Variants in SEMA3C observed in about 807,000 individuals in gnomAD.
SEMA3C encodes semaphorin 3C.
Under a neutral mutation model 89.4 loss-of-function variants are expected in SEMA3C, and 47 were observed. The ratio of observed to expected loss-of-function variants is 0.53; its 90% CI spans 0.42 to 0.67. The LOEUF (loss-of-function observed/expected upper bound fraction) is 0.67, where lower values mean the gene tolerates loss of function less well. Among genes scored for constraint, SEMA3C ranks in the 30% least tolerant of loss-of-function variants. The pLI is 0.00. For synonymous variants in SEMA3C, 310 were observed against 320.2 expected (o/e 0.97, Z 0.34); for missense variants, 839 against 929.1 (o/e 0.90, Z 1.26).
At position 80,810,707 on chromosome 7, in the gene SEMA3C, T is replaced by C. The variant is rs1206101917; in HGVS notation, c.448-6A>G. 3 of 1,609,746 alleles carry C rather than the reference T, an allele frequency of 1.9e-6. No homozygotes were observed. The highest frequency in any genetic ancestry group is 1.7e-6 in the Non-Finnish European group (2 of 1,176,668). On this transcript the variant is annotated splice_polypyrimidine_tract_variant and splice_region_variant and intron_variant, in intron 5 of 17. Coordinates refer to ENST00000265361, the MANE Select transcript of SEMA3C (RefSeq NM_006379.5). ...TCAATCATGAAAACTTGGTCCTTTA[T>C]TGTAGATAAAATTTAAAATGTGGCA...
intron 2 of SEMA3C, among the ~76,000 whole-genome samples, chr7:80,879,697 C>T (rs1344852791): frequency 6.6e-6 from 1 of 152,044 alleles, no homozygotes; most frequent in Non-Finnish European, 1.5e-5. Context: ...ATATCATATT[C>T]AATATCTTAT....
At chr7:80,882,296 T>TAACACACC (rs1443301678) in intron 2 of SEMA3C, among the ~76,000 whole-genome samples, 1 of 151,930 alleles carries the variant, frequency 6.6e-6, no homozygotes, top group Non-Finnish European at 1.5e-5. Context: ...GCCTGAAATG[T>TAACACACC]AACACACCTT....
intron 6 of SEMA3C, among the ~76,000 whole-genome samples, chr7:80,810,031 C>A (rs1344544945): frequency 6.6e-6 from 1 of 151,988 alleles, no homozygotes; most frequent in Non-Finnish European, 1.5e-5. Context: ...GCACAGTGAC[C>A]ATGGTGACAG....
At chr7:80,916,079 C>T (rs1792266099) in intron 2 of SEMA3C, among the ~76,000 whole-genome samples, 1 of 152,170 alleles carries the variant, frequency 6.6e-6, no homozygotes, top group Non-Finnish European at 1.5e-5. Flanking sequence ...TCTGAAATCA[C>T]ACCCATTTCC....
chr7:80,879,205 T>C (rs1159882024), intron 2 of SEMA3C, among the ~76,000 whole-genome samples: 1 of 151,382 alleles, frequency 6.6e-6, no homozygotes. Context: ...GGAAGGATTA[T>C]TAAAAAAAAA....
intron 2 of SEMA3C, among the ~76,000 whole-genome samples, chr7:80,861,628 G>T (rs1035123256): frequency 2.6e-5 from 4 of 152,140 alleles, no homozygotes; most frequent in African/African-American, 7.2e-5. Flanking sequence ...GATCTCAAAG[G>T]TTATAGAATG....
chr7:80,755,621 G>C (rs1361758559), intron 15 of SEMA3C, among the ~76,000 whole-genome samples: 1 of 151,638 alleles, frequency 6.6e-6, no homozygotes, highest in African/African-American at 2.4e-5. Flanking sequence ...TACTATATCT[G>C]CTTAATAGAT....
chr7:80,819,496 T>C (rs1789693913), intron 4 of SEMA3C, among the ~76,000 whole-genome samples: 1 of 152,216 alleles, frequency 6.6e-6, no homozygotes, highest in Non-Finnish European at 1.5e-5. Context: ...AGTTCCATAT[T>C]ACCATTAGTG....
chr7:80,773,152 T>A (rs1439256596), intron 12 of SEMA3C, among the ~76,000 whole-genome samples: 1 of 152,146 alleles, frequency 6.6e-6, no homozygotes, highest in Non-Finnish European at 1.5e-5. Context: ...TGTTACAATT[T>A]TTTTTCTATT....
At chr7:80,862,250 T>G (rs1435727639) in intron 2 of SEMA3C, among the ~76,000 whole-genome samples, 1 of 152,090 alleles carries the variant, frequency 6.6e-6, no homozygotes, top group Non-Finnish European at 1.5e-5. Context: ...AGTTTCCAGA[T>G]ACAAGACTAA....
At chr7:80,754,323 A>G (rs188564401) in intron 15 of SEMA3C, among the ~76,000 whole-genome samples, 1 of 152,280 alleles carries the variant, frequency 6.6e-6, no homozygotes, top group East Asian at 1.9e-4. Context: ...GATTCCACCA[A>G]TTTCCAAGTA....
At position 80,786,766 on chromosome 7, in the gene SEMA3C, T is replaced by C. The variant is rs114985371; in HGVS notation, c.1354+2540A>G. On this transcript the variant is annotated intron_variant, in intron 12 of 17. Coordinates refer to ENST00000265361, the MANE Select transcript of SEMA3C (RefSeq NM_006379.5). ...TTCAATTTATCTTGACAAATATTTA[T>C]TGAGTTTATCAGGTACTGTGATATG... Among the ~76,000 whole-genome samples the C allele has an allele frequency of 2.0e-3, 304 of 152,342 alleles. 2 individuals are homozygous for C. Among genetic ancestry groups the C allele is most frequent in the African/African-American group, 7.1e-3 (294 of 41,578 alleles).
At chr7:80,895,625 G>T (rs1464140651) in intron 2 of SEMA3C, among the ~76,000 whole-genome samples, 4 of 152,120 alleles carry the variant, frequency 2.6e-5, no homozygotes, top group African/African-American at 9.7e-5. Flanking sequence ...GGAATGATTA[G>T]AATGTTGCAG....
chr7:80,908,659 G>A lies in SEMA3C; in HGVS notation c.103+8020C>T, dbSNP rs75388629. Among the ~76,000 whole-genome samples, 1,007 of 152,150 alleles carry A rather than the reference G, an allele frequency of 6.6e-3. 53 individuals carry two copies. In the East Asian group the frequency reaches 0.13, roughly 19 times the overall value. On this transcript the variant is annotated intron_variant, in intron 2 of 17. Coordinates refer to ENST00000265361, the MANE Select transcript of SEMA3C (RefSeq NM_006379.5). ...TTTACATCCCCGTTATCTGTGCTAG[G>A]GATGGATTACTTCCTTTTTGCGGGT...
chr7:80,882,086 G>C (rs1334686528), intron 2 of SEMA3C, among the ~76,000 whole-genome samples: 1 of 152,076 alleles, frequency 6.6e-6, no homozygotes, highest in African/African-American at 2.4e-5. Context: ...GTCCATCCAC[G>C]AAGTACAAAT....
intron 2 of SEMA3C, among the ~76,000 whole-genome samples, chr7:80,865,591 C>T (rs964038926): frequency 6.6e-6 from 1 of 152,002 alleles, no homozygotes; most frequent in Non-Finnish European, 1.5e-5. Flanking sequence ...AGTTCAAAAG[C>T]AGCCTGGCCA....
chr7:80,766,928 C>T (rs1202885949), intron 12 of SEMA3C, among the ~76,000 whole-genome samples: 1 of 152,156 alleles, frequency 6.6e-6, no homozygotes, highest in African/African-American at 2.4e-5. Context: ...TGCTCTCCTC[C>T]CACGTGCTGG....
chr7:80,922,272 G>A (rs995817353), upstream of SEMA3C: 1 of 1,287,200 alleles, frequency 7.8e-7, no homozygotes, highest in African/African-American at 1.5e-5. Context: ...TACCTTTTTT[G>A]CTTAACATTT....
At chr7:80,896,338 G>T (rs1791737187) in intron 2 of SEMA3C, among the ~76,000 whole-genome samples, 1 of 152,102 alleles carries the variant, frequency 6.6e-6, no homozygotes, top group Non-Finnish European at 1.5e-5. Context: ...GTAAAAACTT[G>T]TGTTGTCTGC....
Sources: gnomAD v4.1 joint callset for allele counts (sites outside exome capture counted in the v4.1 genomes callset) on GRCh38, gnomAD v4.1.1 for gene constraint, MANE v1.5 for transcripts, NCBI Gene and HGNC (gene_info 2026-07-23, HGNC 2026-07-21) for gene names.